The following ITGA11 variants were observed in gnomAD, a reference collection of about 807,000 sequenced individuals.
ITGA11 encodes integrin alpha-11.
ITGA11 carries 97 observed loss-of-function variants against 141.9 expected under a neutral mutation model. The observed-to-expected ratio is 0.68, with a 90% CI of 0.58 to 0.81. The LOEUF (loss-of-function observed/expected upper bound fraction) is 0.81. ITGA11 is among the 30% of genes least tolerant of loss of function. ITGA11 has a pLI of 0.00. For synonymous variants in ITGA11, 658 were observed against 624.6 expected (o/e 1.05, Z -0.80); for missense variants, 1,387 against 1,559.2 (o/e 0.89, Z 1.86).
At chr15:68,380,876 T>C (rs1473620248) in intron 2 of ITGA11, among the ~76,000 whole-genome samples, 1 of 152,166 alleles carries the variant, frequency 6.6e-6, no homozygotes, top group Non-Finnish European at 1.5e-5. Context: ...CTTGCCTCAC[T>C]TGTCCAGAGA....
chr15:68,421,555 G>C (rs1027264217), intron 1 of ITGA11, among the ~76,000 whole-genome samples: 1 of 152,166 alleles, frequency 6.6e-6, no homozygotes, highest in Non-Finnish European at 1.5e-5. Flanking sequence ...GCCAGTGAGG[G>C]GGCTGTGGCC....
At chr15:68,369,576 G>A (rs1336804134) in intron 2 of ITGA11, among the ~76,000 whole-genome samples, 1 of 152,228 alleles carries the variant, frequency 6.6e-6, no homozygotes, top group Admixed American at 6.5e-5. Flanking sequence ...CAAATCCCTG[G>A]TAGAGGAGGG....
At chr15:68,424,610 C>T (rs1897097073) in intron 1 of ITGA11, among the ~76,000 whole-genome samples, 1 of 152,172 alleles carries the variant, frequency 6.6e-6, no homozygotes, top group Non-Finnish European at 1.5e-5. Flanking sequence ...CCCTGCCTTC[C>T]CTCCTAGTGC....
chr15:68,364,773 G>A lies in ITGA11; in HGVS notation c.291C>T (p.Ser97=), dbSNP rs377061481. The A allele has an allele frequency of 1.1e-3, 1,736 of 1,613,670 alleles. 2 individuals carry two copies. Among genetic ancestry groups the A allele is most frequent in the Non-Finnish European group, 1.4e-3 (1,661 of 1,179,770 alleles). ...NLGRVTLSNV[S]ERKDNMRLGL... is the part of the protein sequence containing the mutation. ...CGAGGCGCATGTTGTCTTTCCGCTCGGACACGTTGGACAGGGTGACCCTTC... is the reference window on the plus strand; with the variant it reads ...CGAGGCGCATGTTGTCTTTCCGCTCAGACACGTTGGACAGGGTGACCCTTC... The change falls in exon 4 of 30, where the codon TCC becomes TCT. Residue 97 remains serine (S), a synonymous_variant. Transcript: ENST00000315757.
At chr15:68,421,373 G>T (rs1229654324) in intron 1 of ITGA11, among the ~76,000 whole-genome samples, 1 of 152,216 alleles carries the variant, frequency 6.6e-6, no homozygotes, top group African/African-American at 2.4e-5. Context: ...AGAGGAGGAA[G>T]TCAGAAATGC....
chr15:68,409,209 T>C (rs541370964), intron 1 of ITGA11, among the ~76,000 whole-genome samples: 2 of 152,282 alleles, frequency 1.3e-5, no homozygotes, highest in African/African-American at 2.4e-5. Flanking sequence ...AAAGTGGTCC[T>C]TCCTCTGGGG....
intron 1 of ITGA11, among the ~76,000 whole-genome samples, chr15:68,420,248 C>T (rs957158307): frequency 2.0e-5 from 3 of 152,100 alleles, no homozygotes; most frequent in Non-Finnish European, 4.4e-5. Context: ...CTCCCTGCCC[C>T]CTTGTTTCCT....
At position 68,302,092 on chromosome 15, in the gene ITGA11, G is replaced by A. The variant is rs1893049787; in HGVS notation, c.*967C>T. ...TGTGTGTGTGTGTGTGTGTGTGTGT[G>A]TGTGTGTGTGTGTGTGTGTGTGTAG... On this transcript the variant is annotated 3_prime_UTR_variant, in exon 30 of 30. Coordinates refer to ENST00000315757, the MANE Select transcript of ITGA11 (RefSeq NM_001004439.2). The A allele has an allele frequency of 6.7e-6, 1 of 149,240 alleles. No individual in the cohort carries two copies. 9.2% of individuals were successfully genotyped at this position (149,240 alleles called of 1,614,324 possible).
chr15:68,390,005 G>A (rs1023234304), intron 2 of ITGA11, among the ~76,000 whole-genome samples: 6 of 152,230 alleles, frequency 3.9e-5, no homozygotes, highest in South Asian at 2.1e-4. Flanking sequence ...CGATAGTCAT[G>A]TGGATTAAAT....
intron 7 of ITGA11, among the ~76,000 whole-genome samples, chr15:68,354,439 G>T (rs1218688631): frequency 6.6e-6 from 1 of 152,050 alleles, no homozygotes; most frequent in Non-Finnish European, 1.5e-5. Flanking sequence ...TCAAGAATCT[G>T]CAGTGGCCAC....
At chr15:68,385,902 G>A (rs1477732952) in intron 2 of ITGA11, among the ~76,000 whole-genome samples, 1 of 152,162 alleles carries the variant, frequency 6.6e-6, no homozygotes, top group African/African-American at 2.4e-5. Context: ...CTGGGGAGGA[G>A]CTGCAGCTGA....
At chr15:68,369,495 G>A (rs1895523761) in intron 2 of ITGA11, among the ~76,000 whole-genome samples, 1 of 152,204 alleles carries the variant, frequency 6.6e-6, no homozygotes, top group South Asian at 2.1e-4. Flanking sequence ...TGGGACCTGT[G>A]GCCCATTCTA....
intron 20 of ITGA11, among the ~76,000 whole-genome samples, chr15:68,317,745 A>T (rs1893643099): frequency 1.3e-5 from 2 of 152,082 alleles, no homozygotes; most frequent in Non-Finnish European, 2.9e-5. Context: ...TGCCCTGCCT[A>T]TTGTCATCAC....
chr15:68,367,240 G>GA (rs974034279), intron 3 of ITGA11, among the ~76,000 whole-genome samples: 48 of 151,044 alleles, frequency 3.2e-4, no homozygotes, highest in African/African-American at 1.0e-3. Context: ...TTGCAACAGA[G>GA]AAAAAAAAAG....
At position 68,325,931 on chromosome 15, in the gene ITGA11, GCCCCA is replaced by G. The variant is rs1163266813; in HGVS notation, c.2212-695_2212-691del. Among the ~76,000 whole-genome samples, 7 of 152,136 alleles carry G rather than the reference GCCCCA, an allele frequency of 4.6e-5. No individual in the cohort carries two copies. The highest frequency in any genetic ancestry group is 7.2e-5 in the African/African-American group (3 of 41,434). ...GTTAAAACACAGGGTGCTGGCGCCAGCCCCAGCCCCAGCCCCAGAGTTTCTGAGTC... is the reference window on the plus strand; with the variant it reads ...GTTAAAACACAGGGTGCTGGCGCCAGGCCCCAGCCCCAGAGTTTCTGAGTC... On this transcript the variant is annotated intron_variant, in intron 17 of 29. Transcript: ENST00000315757. This position sits in a 1 kb window ranked among gnomAD's most constrained non-coding sequence, Gnocchi z 5.5.
At chr15:68,420,501 C>T (rs1253060188) in intron 1 of ITGA11, among the ~76,000 whole-genome samples, 1 of 152,172 alleles carries the variant, frequency 6.6e-6, no homozygotes, top group Non-Finnish European at 1.5e-5. Context: ...CAATGGCCAC[C>T]AACCTCTTCT....
chr15:68,350,910 C>T (rs979385084), intron 8 of ITGA11, 128 bp from the exon 9 acceptor site: 12 of 893,978 alleles, frequency 1.3e-5, no homozygotes, highest in Non-Finnish European at 2.1e-5. Context: ...GAGAGTTCCT[C>T]GCAATGCCAT....
chr15:68,332,315 G>T (rs1309316310), intron 13 of ITGA11, 23 bp downstream of exon 13: 2 of 1,592,134 alleles, frequency 1.3e-6, no homozygotes, highest in African/African-American at 1.3e-5. Flanking sequence ...CTGAGAAGCT[G>T]CCCAGCCCCT....
Position 68,339,537 on chromosome 15 carries a change from C to CTCT in ITGA11, c.1236_1238dup (p.Glu413dup). The CTCT allele has an allele frequency of 6.2e-7, 1 of 1,613,930 alleles. No homozygotes were observed. Among genetic ancestry groups the CTCT allele is most frequent in the Non-Finnish European group, 8.5e-7 (1 of 1,179,858 alleles). On this transcript the variant is annotated inframe_insertion, in exon 11 of 30. Transcript: ENST00000315757. ...CATGGTTCTTGAGCTCCTCGGGGAA[C>CTCT]TCTTTCAGGTAGGACTCGCGGAGAG...
Sources: gnomAD v4.1 joint callset for allele counts (sites outside exome capture counted in the v4.1 genomes callset) on GRCh38, gnomAD v4.1.1 for gene constraint, Gnocchi (gnomAD v3.1) non-coding constraint, MANE v1.5 for transcripts, NCBI Gene and HGNC (gene_info 2026-07-23, HGNC 2026-07-21) for gene names.